The following CIT variants were observed in gnomAD, a reference collection of about 807,000 sequenced individuals.
CIT encodes citron Rho-interacting kinase.
CIT carries 79 observed loss-of-function variants against 272.7 expected under a neutral mutation model. The observed-to-expected ratio is 0.29, with a 90% CI of 0.24 to 0.35. CIT has a LOEUF of 0.35. Ranked by LOEUF, CIT falls within the 10% of genes least tolerant of loss-of-function variation. The pLI is 1.00. For synonymous variants in CIT, 948 were observed against 995.6 expected, an observed-to-expected ratio of 0.95 and a Z score of 0.90; for missense variants, 1,909 against 2,618.3, an observed-to-expected ratio of 0.73 and a Z score of 5.91.
At chr12:119,739,117 G>A (rs988821381) in intron 24 of CIT, among the ~76,000 whole-genome samples, 7 of 152,096 alleles carry the variant, frequency 4.6e-5, no homozygotes, top group African/African-American at 1.7e-4. Context: ...ACACAGGACT[G>A]AAATCCTATT....
In CIT at chr12:119,804,997, G is replaced by A. The variant is rs1966506931; in HGVS notation, c.1112-1608C>T. ...AAGAAAAATTAGATTGAACACTTCA[G>A]CCCACATCCCATGTGTACTTCCATC... On this transcript the variant is annotated intron_variant, in intron 9 of 47. Transcript: ENST00000392521. This position sits in a 1 kb window ranked among gnomAD's most constrained non-coding sequence, Gnocchi z 5.3. Among the ~76,000 whole-genome samples the A allele has an allele frequency of 1.3e-5, 2 of 152,050 alleles. No homozygotes were observed. Among genetic ancestry groups the A allele is most frequent in the South Asian group, 4.1e-4 (2 of 4,820 alleles).
At chr12:119,789,936 A>G (rs574967) in intron 10 of CIT, among the ~76,000 whole-genome samples, 110,852 of 150,698 alleles carry the variant, frequency 0.74, 41,231 homozygotes, top group East Asian at 0.98. Flanking sequence ...GGATGGTCTC[A>G]ATCTCCTGAC....
chr12:119,829,900 G>C (rs1437728845), intron 7 of CIT, among the ~76,000 whole-genome samples: 1 of 152,028 alleles, frequency 6.6e-6, no homozygotes, highest in East Asian at 1.9e-4. Context: ...ACGTGGGGGT[G>C]ATAGGGAAGG....
At position 119,776,346 on chromosome 12, in the gene CIT, T is replaced by C. The variant is rs1170355571; in HGVS notation, c.1887+12A>G. 1 of 1,609,626 alleles carries C rather than the reference T, an allele frequency of 6.2e-7. No homozygotes were observed. Among genetic ancestry groups the C allele is most frequent in the Admixed American group, 1.7e-5 (1 of 59,842 alleles). ...AAAATATTAATAGCAAAACCAATCA[T>C]GGAAAGTATACCTTCTCCAGTTTCG... On this transcript the variant is annotated intron_variant, in intron 15 of 47. Coordinates refer to ENST00000392521, the MANE Select transcript of CIT (RefSeq NM_001206999.2).
chr12:119,773,387 G>T (rs1440603655), intron 16 of CIT, among the ~76,000 whole-genome samples: 2 of 152,222 alleles, frequency 1.3e-5, no homozygotes, highest in South Asian at 4.1e-4. Flanking sequence ...GGGAAATATT[G>T]AGATATACTG....
At chr12:119,863,528 T>C (rs1262155620) in intron 3 of CIT, among the ~76,000 whole-genome samples, 2 of 152,114 alleles carry the variant, frequency 1.3e-5, no homozygotes, top group African/African-American at 4.8e-5. Flanking sequence ...TTTTTTGTTT[T>C]TTTTGTTTGT....
At chr12:119,757,027 C>T (rs1356240781) in intron 22 of CIT, among the ~76,000 whole-genome samples, 1 of 151,000 alleles carries the variant, frequency 6.6e-6, no homozygotes, top group East Asian at 1.9e-4. Context: ...AGCTGAGGCA[C>T]GAGAATCACT....
rs191764408 is a variant in CIT, at chr12:119,713,928, G to A, written c.4306+269C>T. 19 of 605,152 alleles carry A rather than the reference G, an allele frequency of 3.1e-5. No individual in the cohort carries two copies. Among genetic ancestry groups the A allele is most frequent in the Non-Finnish European group, 4.7e-5 (16 of 342,742 alleles). 37.5% of individuals were successfully genotyped at this position (605,152 alleles called of 1,614,324 possible). ...TTTGCATGTTTCAGTTGGAGTCAGCGGAAAGGTAGGGAGAGACCAGCCTGA... is the reference window on the plus strand; with the variant it reads ...TTTGCATGTTTCAGTTGGAGTCAGCAGAAAGGTAGGGAGAGACCAGCCTGA... On this transcript the variant is annotated intron_variant, in intron 33 of 47. Coordinates refer to ENST00000392521, the MANE Select transcript of CIT (RefSeq NM_001206999.2). The surrounding 1 kb of genome is among the most constrained non-coding windows in gnomAD (Gnocchi z 5.2).
Position 119,708,084 on chromosome 12 carries a change from A to G in CIT, c.5211+95T>C, listed in dbSNP as rs1240268862. 7 of 1,296,852 alleles carry G rather than the reference A, an allele frequency of 5.4e-6. No individual in the cohort carries two copies. In the African/African-American group the frequency reaches 7.7e-5, roughly 14 times the overall value. 80.3% of individuals were successfully genotyped at this position (1,296,852 alleles called of 1,614,324 possible). A position where few individuals can be genotyped will look rare whatever the true frequency, so the allele number is the denominator to read the frequency against. ...CTCTCTGTTTGTTATTTAAGTTGAC[A>G]CTATCTTGAAGGTCAAATCAACGAG... is the stretch of plus-strand genomic sequence containing the variant. On this transcript the variant is annotated intron_variant, in intron 40 of 47. Coordinates refer to ENST00000392521, the MANE Select transcript of CIT (RefSeq NM_001206999.2).
chr12:119,838,107 C>G (rs1969138782), intron 5 of CIT, among the ~76,000 whole-genome samples: 6 of 152,078 alleles, frequency 3.9e-5, no homozygotes, highest in Admixed American at 3.9e-4. Flanking sequence ...AAGTCTCACT[C>G]TGTTACCCAG....
chr12:119,695,148 C>T (rs1020575868), intron 46 of CIT, among the ~76,000 whole-genome samples: 2 of 152,178 alleles, frequency 1.3e-5, no homozygotes, highest in African/African-American at 2.4e-5. Flanking sequence ...ACAAAGGAAT[C>T]TCAGCAAGAA....
intron 37 of CIT, among the ~76,000 whole-genome samples, chr12:119,711,345 T>G (rs1957148935): frequency 6.6e-6 from 1 of 152,172 alleles, no homozygotes; most frequent in Non-Finnish European, 1.5e-5. Context: ...GGTGGGGTGA[T>G]GCCAATCACA....
chr12:119,801,248 G>A (rs1300742278), intron 10 of CIT, among the ~76,000 whole-genome samples: 1 of 152,050 alleles, frequency 6.6e-6, no homozygotes, highest in African/African-American at 2.4e-5. Context: ...AATACAATAA[G>A]CAATATAAAC....
chr12:119,809,812 C>T (rs900897880), intron 9 of CIT, among the ~76,000 whole-genome samples: 2 of 152,220 alleles, frequency 1.3e-5, no homozygotes, highest in Non-Finnish European at 2.9e-5. Context: ...TAGATCATAG[C>T]CTTTTCGTGC....
In CIT at chr12:119,704,368, G is replaced by A. The variant is rs779901564; in HGVS notation, c.5299C>T (p.Arg1767Trp). 3.7e-6 allele frequency: 6 copies of A among 1,613,846 alleles called. No homozygotes were observed. Among genetic ancestry groups the A allele is most frequent in the East Asian group, 4.5e-5 (2 of 44,890 alleles). ...YNENLSKYCI[R>W]KEIETSEPCS... Reference sequence around the variant, plus strand: ...AGGCAAGGCCCAGGACTTACTTTCCGGATGCAGTATTTGCTGAGGTTTTCG... The same window carrying A: ...AGGCAAGGCCCAGGACTTACTTTCCAGATGCAGTATTTGCTGAGGTTTTCG... The change falls in exon 41 of 48, where the codon CGG becomes TGG. Residue 1767 changes from arginine to tryptophan, a missense_variant. Arg to Trp is a moderately radical substitution (Grantham distance 101). Coordinates refer to ENST00000392521, the MANE Select transcript of CIT (RefSeq NM_001206999.2).
intron 9 of CIT, among the ~76,000 whole-genome samples, chr12:119,806,710 G>A (rs1257488550): frequency 2.7e-5 from 4 of 150,408 alleles, no homozygotes; most frequent in African/African-American, 9.8e-5. Flanking sequence ...CCTTACGGGT[G>A]CAACAACAGA....
intron 5 of CIT, 140 bp from the exon 6 acceptor site, chr12:119,834,368 G>C: frequency 1.4e-6 from 1 of 720,758 alleles, no homozygotes; most frequent in Non-Finnish European, 2.2e-6. Flanking sequence ...CACGCTGTAA[G>C]TCATGTAGGA....
At chr12:119,707,074 T>C (rs766084628) in intron 40 of CIT, among the ~76,000 whole-genome samples, 1 of 152,254 alleles carries the variant, frequency 6.6e-6, no homozygotes, top group South Asian at 2.1e-4. Flanking sequence ...ATGTCATAAA[T>C]TCGAATTTTT....
In CIT at chr12:119,757,362, C is replaced by A. The variant is rs573766560; in HGVS notation, c.2706+9G>T. 4 of 1,613,478 alleles carry A rather than the reference C, an allele frequency of 2.5e-6. No homozygotes were observed. Among genetic ancestry groups the A allele is most frequent in the Non-Finnish European group, 3.4e-6 (4 of 1,179,972 alleles). On this transcript the variant is annotated intron_variant, in intron 22 of 47. Coordinates refer to ENST00000392521, the MANE Select transcript of CIT (RefSeq NM_001206999.2). ...CAAATCCTCCCAGGAGATGACTCCTCGCTCTCACCTCCCGCAATCTTGTCT... is the reference window on the plus strand; with the variant it reads ...CAAATCCTCCCAGGAGATGACTCCTAGCTCTCACCTCCCGCAATCTTGTCT...
Sources: allele counts gnomAD v4.1 joint callset (sites outside exome capture counted in the v4.1 genomes callset), GRCh38; gene constraint gnomAD v4.1.1; non-coding constraint Gnocchi (gnomAD v3.1); transcripts MANE v1.5; gene names NCBI Gene and HGNC (gene_info 2026-07-23, HGNC 2026-07-21).